Variants in HNRNPU observed in about 807,000 individuals in gnomAD.
HNRNPU encodes heterogeneous nuclear ribonucleoprotein U.
HNRNPU carries 5 observed loss-of-function variants against 94.7 expected under a neutral mutation model. That is an observed-to-expected ratio of 0.05 (90% CI 0.03 to 0.11). The LOEUF (loss-of-function observed/expected upper bound fraction) is 0.11. Ranked by LOEUF, HNRNPU falls within the 10% of genes least tolerant of loss-of-function variation. The pLI is 1.00. For synonymous variants in HNRNPU, 434 were observed against 381.6 expected (o/e 1.14, Z -1.60); for missense variants, 710 against 1,049.2 (o/e 0.68, Z 4.47).
intron 8 of HNRNPU, chr1:244,857,284 C>T (rs1445797286): frequency 2.5e-5 from 6 of 243,674 alleles, no homozygotes; most frequent in Non-Finnish European, 4.7e-5. Flanking sequence ...GTTGCTCTGT[C>T]GCCCAGACTG....
chr1:244,858,705 C>CTTTCT (rs1680745129), intron 6 of HNRNPU, 24 bp downstream of exon 6: 1 of 1,268,378 alleles, frequency 7.9e-7, no homozygotes, highest in African/African-American at 1.5e-5. Flanking sequence ...GCCATTTATA[C>CTTTCT]ATAGAAAGTT....
chr1:244,859,195 A>C (rs1361670312), intron 5 of HNRNPU, 80 bp downstream of exon 5: 1 of 741,944 alleles, frequency 1.3e-6, no homozygotes, highest in Non-Finnish European at 2.4e-6. Context: ...AAAGGCTTAG[A>C]ATGCCCTCTA....
At chr1:244,863,094 T>A (rs548160919) in intron 1 of HNRNPU, 113 of 208,182 alleles carry the variant, frequency 5.4e-4, no homozygotes, top group African/African-American at 2.3e-3. Flanking sequence ...CGCATTGTAC[T>A]GATCTTCCGC....
intron 8 of HNRNPU, chr1:244,857,242 CTTTTCT>C (rs1267798007): frequency 6.0e-5 from 13 of 218,068 alleles, no homozygotes; most frequent in African/African-American, 9.5e-5. Flanking sequence ...TATAATTTTT[CTTTTCT>C]TTTTTTTTTT....
rs146426697 is a variant in HNRNPU, at chr1:244,856,476, A to G, written c.1893T>C (p.His631=). Residue 631 remains histidine, a synonymous_variant, in exon 10 of 14, where the codon CAT becomes CAC. Coordinates refer to ENST00000640218, the MANE Select transcript of HNRNPU (RefSeq NM_031844.3). The part of the protein sequence containing the change: ...AEVEGKDLPE[H]AVLKMKGNFT... ...CCATGCCTTTCATTTTGAGGACCGC[A>G]TGTTCTGGTAGGTCTTTCCCCTCTA... The G allele has an allele frequency of 8.7e-6, 14 of 1,611,506 alleles. No homozygotes were observed. In the Admixed American group the frequency reaches 1.0e-4, roughly 12 times the overall value.
At chr1:244,855,287 A>G (rs1431712210) in intron 12 of HNRNPU, 137 bp downstream of exon 12, 1 of 870,750 alleles carries the variant, frequency 1.1e-6, no homozygotes, top group African/African-American at 1.7e-5. Flanking sequence ...TCATTTCACC[A>G]TTACTAGTTC....
rs1378829669 is a variant in HNRNPU, at chr1:244,862,643, T to A, written c.779A>T (p.Tyr260Phe). 6.2e-7 allele frequency: 1 copy of A among 1,613,538 alleles called. No homozygotes were observed. Among genetic ancestry groups the A allele is most frequent in the African/African-American group, 1.3e-5 (1 of 74,932 alleles). ...REDHGRGYFEYIEENKYSRAK... is the reference protein window; with the variant it reads ...REDHGRGYFEFIEENKYSRAK... ...CCTGCTATACTTGTTCTCTTCAATG[T>A]ACTCAAAATATCCACGGCCATGATC... The change falls in exon 2 of 14, where the codon TAC becomes TTC. Residue 260 changes from tyrosine (Y) to phenylalanine (F), a missense_variant. This residue lies in a region of HNRNPU where 13 missense variants were observed against 45.3 expected (regional missense o/e 0.29). Transcript: ENST00000640218.
At chr1:244,857,475 G>A (rs907099623) in intron 8 of HNRNPU, 123 bp downstream of exon 8, 38 of 1,001,232 alleles carry the variant, frequency 3.8e-5, no homozygotes, top group Non-Finnish European at 5.6e-5. Flanking sequence ...TCAAACTCCT[G>A]ACCTCAGGTG....
At chr1:244,863,021 G>C in intron 1 of HNRNPU, 1 of 364,682 alleles carries the variant, frequency 2.7e-6, no homozygotes, top group African/African-American at 2.1e-5. Flanking sequence ...GCGCAGAGAG[G>C]GGGAGGGGCC....
At chr1:244,862,244 A>C (rs1241021468) in intron 3 of HNRNPU, 2 of 434,428 alleles carry the variant, frequency 4.6e-6, no homozygotes, top group Non-Finnish European at 4.1e-6. Context: ...AGTCATAAAA[A>C]TACGAAACTC....
rs1489983826 is a variant in HNRNPU at position 244,864,075 on chromosome 1, G to A, written c.233C>T (p.Ala78Val). The change falls in exon 1 of 14, where the codon GCC becomes GTC. Residue 78 changes from alanine (A) to valine (V), a missense_variant. Transcript: ENST00000640218. Reference sequence around the variant, plus strand: ...CTCCTCTTCATCGCCGCCGGCCGCGGCCTCCTGCTCGAGGCCTGCTCCCGA... The same window carrying A: ...CTCCTCTTCATCGCCGCCGGCCGCGACCTCCTGCTCGAGGCCTGCTCCCGA... Reference protein sequence around the residue: ...GRSGAGLEQEAAAGGDEEEEE... With the variant: ...GRSGAGLEQEVAAGGDEEEEE... 3 of 1,600,952 alleles carry A rather than the reference G, an allele frequency of 1.9e-6. No homozygotes were observed. Among genetic ancestry groups the A allele is most frequent in the African/African-American group, 2.7e-5 (2 of 74,634 alleles).
intron 7 of HNRNPU, 45 bp downstream of exon 7, chr1:244,857,966 A>G (rs775422660): frequency 2.8e-5 from 43 of 1,544,438 alleles, no homozygotes; most frequent in African/African-American, 2.2e-4. Flanking sequence ...TGTGCCAGGC[A>G]AGCAATATTC....
At chr1:244,859,242 C>G (rs763856259) in intron 5 of HNRNPU, 33 bp downstream of exon 5, 24 of 1,087,394 alleles carry the variant, frequency 2.2e-5, no homozygotes, top group Non-Finnish European at 3.3e-5. Flanking sequence ...CCTGAACATT[C>G]ATGAGCCCAC....
intron 3 of HNRNPU, chr1:244,860,805 A>G (rs1680805710): frequency 3.1e-6 from 1 of 318,724 alleles, no homozygotes; most frequent in Non-Finnish European, 5.7e-6. Context: ...AGTAGAGGAT[A>G]GCAGGAAATC....
rs201031433 is a variant in HNRNPU at position 244,864,426 on chromosome 1, A to T, written c.-119T>A. ...GGGCGGCGGCTGCGGCTGCGGCTGG[A>T]GATGGGTTCGTGCTGCAGAGCGGAT... On this transcript the variant is annotated 5_prime_UTR_variant, in exon 1 of 14. Transcript: ENST00000640218. The T allele has an allele frequency of 2.2e-3, 3,373 of 1,532,034 alleles. 7 individuals are homozygous for T. Among genetic ancestry groups the T allele is most frequent in the Admixed American group, 2.7e-3 (121 of 44,984 alleles). The allele number at this position is 1,532,034 out of a possible 1,614,324, so 94.9% of individuals were successfully genotyped here.
In HNRNPU at chr1:244,854,477, A is replaced by G; in HGVS notation, c.2451T>C (p.Ser817=). The G allele has an allele frequency of 6.2e-7, 1 of 1,608,928 alleles. No individual in the cohort carries two copies. The highest frequency in any genetic ancestry group is 8.5e-7 in the Non-Finnish European group (1 of 1,175,768). The change falls in exon 14 of 14, where the codon AGT becomes AGC. Residue 817 remains serine, a synonymous_variant. Coordinates refer to ENST00000640218, the MANE Select transcript of HNRNPU (RefSeq NM_031844.3). ...QGQFWGQKPW[S]QHYHQGYY ...AATAATATCCTTGGTGATAATGCTG[A>G]CTCCATGGCTTCTGACCCCAGAATT... is the stretch of plus-strand genomic sequence containing the variant.
rs1233098630 is a variant in HNRNPU at position 244,855,348 on chromosome 1, C to A, written c.2352+76G>T. On this transcript the variant is annotated intron_variant, in intron 12 of 13. Coordinates refer to ENST00000640218, the MANE Select transcript of HNRNPU (RefSeq NM_031844.3). ...ATGTTCCTTACGGATTACTAAGACA[C>A]CCCAACATAAAGCTCACACCTTTCC... 4.3e-6 allele frequency: 6 copies of A among 1,379,392 alleles called. No individual in the cohort carries two copies. In the East Asian group the frequency reaches 9.1e-5, roughly 21 times the overall value. 85.4% of individuals were successfully genotyped at this position (1,379,392 alleles called of 1,614,324 possible). A position where few individuals can be genotyped will look rare whatever the true frequency, so the allele number is the denominator to read the frequency against.
At chr1:244,862,880 C>T in intron 1 of HNRNPU, 150 bp from the exon 2 acceptor site, 5 of 672,988 alleles carry the variant, frequency 7.4e-6, no homozygotes, top group Non-Finnish European at 1.3e-5. Context: ...GAACAATCAA[C>T]TACGAATTCG....
Position 244,856,119 on chromosome 1 carries a change from T to G in HNRNPU, c.1952A>C (p.Glu651Ala), listed in dbSNP as rs202115297. Residue 651 changes from glutamate (E) to alanine (A), a missense_variant, in exon 11 of 14, where the codon GAA becomes GCA. By Grantham distance (107) the Glu-to-Ala change is moderately radical. Coordinates refer to ENST00000640218, the MANE Select transcript of HNRNPU (RefSeq NM_031844.3). The part of the protein sequence containing the change: ...TLPEVAECFD[E>A]ITYVELQKEE... ...CTTCTGAAGTTCAACATAGGTTATT[T>G]CATCAAAGCACTCAGCTACCTCTGG... 2.5e-5 allele frequency: 40 copies of G among 1,613,582 alleles called. No homozygotes were observed. The Admixed American group carries it at 6.3e-4, about 26-fold the overall frequency.
Sources: allele counts gnomAD v4.1 joint callset, GRCh38; gene constraint gnomAD v4.1.1; regional missense constraint gnomAD v4.1.1; transcripts MANE v1.5; gene names NCBI Gene and HGNC (gene_info 2026-07-23, HGNC 2026-07-21).